PABPC4L: variants seen among roughly 807,000 people sequenced by gnomAD.
PABPC4L encodes polyadenylate-binding protein 4-like.
For missense variants in PABPC4L, 452 were observed against 451.4 expected (o/e 1.00, Z -0.01); for synonymous variants, 169 against 164.1 (o/e 1.03, Z -0.23).
chr4:134,193,209 C>T (rs976875601), downstream of PABPC4L, among the ~76,000 whole-genome samples: 9 of 151,862 alleles, frequency 5.9e-5, no homozygotes, highest in Non-Finnish European at 1.3e-4. Context: ...TCCCTATCCC[C>T]TACTTCATCT....
chr4:134,044,085 G>A, the PABPC4L span, among the ~76,000 whole-genome samples: 1 of 151,302 alleles, frequency 6.6e-6, no homozygotes, highest in Non-Finnish European at 1.5e-5. Context: ...CAGCTTATCT[G>A]GGACTACAGC....
the PABPC4L span, among the ~76,000 whole-genome samples, chr4:134,162,588 T>G: frequency 6.6e-6 from 1 of 152,098 alleles, no homozygotes; most frequent in African/African-American, 2.4e-5. Flanking sequence ...ACATGGAAAT[T>G]CTTCAAGATA....
the PABPC4L span, among the ~76,000 whole-genome samples, chr4:134,017,316 C>T: frequency 1.5e-3 from 225 of 152,240 alleles, no homozygotes; most frequent in Middle Eastern, 6.8e-3. Flanking sequence ...AGGGTACAGT[C>T]CATTTGAGCT....
At chr4:133,982,552 A>G in the PABPC4L span, among the ~76,000 whole-genome samples, 1 of 152,042 alleles carries the variant, frequency 6.6e-6, no homozygotes, top group East Asian at 1.9e-4. Context: ...TTATATAAGA[A>G]ATGTGTGTGC....
the PABPC4L span, among the ~76,000 whole-genome samples, chr4:134,085,333 T>C: frequency 5.9e-5 from 9 of 152,118 alleles, no homozygotes; most frequent in African/African-American, 1.9e-4. Context: ...ATATATATCA[T>C]ATGTACATGT....
the PABPC4L span, among the ~76,000 whole-genome samples, chr4:134,079,696 TGA>T: frequency 5.1e-4 from 74 of 145,948 alleles, no homozygotes; most frequent in South Asian, 1.1e-3. Flanking sequence ...TCTGTGTGTG[TGA>T]GAGAGAGAGA....
chr4:134,077,865 G>A, the PABPC4L span, among the ~76,000 whole-genome samples: 7 of 152,084 alleles, frequency 4.6e-5, no homozygotes, highest in East Asian at 1.4e-3. Context: ...ATCTGATCAT[G>A]CTTCGGCAAT....
the PABPC4L span, among the ~76,000 whole-genome samples, chr4:134,117,746 T>C: frequency 6.6e-6 from 1 of 151,714 alleles, no homozygotes; most frequent in Non-Finnish European, 1.5e-5. Flanking sequence ...TATTAAAAAA[T>C]GGCAATATAA....
At chr4:134,080,347 T>C in the PABPC4L span, among the ~76,000 whole-genome samples, 2 of 152,202 alleles carry the variant, frequency 1.3e-5, no homozygotes, top group East Asian at 3.9e-4. Flanking sequence ...CCCAGAGCAA[T>C]GTTTCTCTTT....
At chr4:134,135,522 A>C in the PABPC4L span, among the ~76,000 whole-genome samples, 2 of 152,086 alleles carry the variant, frequency 1.3e-5, no homozygotes. Context: ...AATTTTTGAA[A>C]AAAATTTGGA....
At chr4:133,963,005 A>C in the PABPC4L span, among the ~76,000 whole-genome samples, 5 of 152,192 alleles carry the variant, frequency 3.3e-5, no homozygotes, top group East Asian at 9.6e-4. Flanking sequence ...TAATAACATT[A>C]AATGTAAATG....
the PABPC4L span, among the ~76,000 whole-genome samples, chr4:134,002,718 G>A: frequency 6.6e-6 from 1 of 151,862 alleles, no homozygotes; most frequent in East Asian, 1.9e-4. Context: ...TCTTACAATA[G>A]CCAGGATATG....
chr4:134,017,607 C>T, the PABPC4L span, among the ~76,000 whole-genome samples: 25 of 152,178 alleles, frequency 1.6e-4, no homozygotes, highest in African/African-American at 5.8e-4. Flanking sequence ...TATGCTGAAT[C>T]TCCTTAAGCA....
At chr4:134,193,074 T>C (rs1578877855), downstream of PABPC4L, among the ~76,000 whole-genome samples, 1 of 152,082 alleles carries the variant, frequency 6.6e-6, no homozygotes, top group Non-Finnish European at 1.5e-5. Context: ...ATCAATATGT[T>C]GATTTGCCCA....
chr4:134,069,708 C>G, the PABPC4L span, among the ~76,000 whole-genome samples: 1 of 152,112 alleles, frequency 6.6e-6, no homozygotes, highest in Non-Finnish European at 1.5e-5. Flanking sequence ...TTTCATCTTT[C>G]GTATCCTGTA....
At chr4:134,149,165 T>A in the PABPC4L span, among the ~76,000 whole-genome samples, 1,930 of 152,160 alleles carry the variant, frequency 0.013, 42 homozygotes, top group African/African-American at 0.041. Context: ...AACCTTTGAG[T>A]AGAATTGCTG....
chr4:134,042,786 A>T, the PABPC4L span, among the ~76,000 whole-genome samples: 1 of 152,290 alleles, frequency 6.6e-6, no homozygotes, highest in Admixed American at 6.5e-5. Flanking sequence ...AGAAAAATTT[A>T]TATGGATATT....
chr4:134,085,319 A>G, the PABPC4L span, among the ~76,000 whole-genome samples: 3 of 152,160 alleles, frequency 2.0e-5, no homozygotes, highest in African/African-American at 7.2e-5. Flanking sequence ...TACATAAAAT[A>G]CATATATATA....
At chr4:134,186,497 A>G in the PABPC4L span, among the ~76,000 whole-genome samples, 2 of 152,338 alleles carry the variant, frequency 1.3e-5, no homozygotes, top group South Asian at 4.1e-4. Context: ...ATATGTAGAA[A>G]GCTGAAACTG....
Sources: gnomAD v4.1 joint callset for allele counts (sites outside exome capture counted in the v4.1 genomes callset) on GRCh38, gnomAD v4.1.1 for gene constraint, MANE v1.5 for transcripts, NCBI Gene and HGNC (gene_info 2026-07-23, HGNC 2026-07-21) for gene names.